The following DMD variants were observed in gnomAD, a reference collection of about 807,000 sequenced individuals.
DMD encodes mutant dystrophin.
In DMD, 63 loss-of-function variants were observed where a neutral mutation model predicts 330.1. That is an observed-to-expected ratio of 0.19 (90% CI 0.16 to 0.24). The LOEUF (loss-of-function observed/expected upper bound fraction) is 0.24, where lower values mean the gene tolerates loss of function less well. DMD is among the 10% of genes least tolerant of loss of function. The pLI is 1.00. For synonymous variants in DMD, 1,223 were observed against 959.8 expected (o/e 1.27, Z -5.07); for missense variants, 3,344 against 2,684.1 (o/e 1.25, Z -5.43).
At chrX:32,897,254 T>G (rs1175675509) in intron 2 of DMD, among the ~76,000 whole-genome samples, 1 of 111,044 alleles carries the variant, frequency 9.0e-6, no homozygotes. Context: ...AATTTTAATG[T>G]TTTTAGAAAA....
intron 55 of DMD, among the ~76,000 whole-genome samples, chrX:31,562,831 CT>C (rs1222232653): frequency 9.0e-6 from 1 of 110,998 alleles, no homozygotes; most frequent in African/African-American, 3.3e-5. Context: ...AGTTTTGTGT[CT>C]TGTTTAGAAA....
At chrX:32,195,663 G>A (rs1268127430) in intron 44 of DMD, among the ~76,000 whole-genome samples, 1 of 112,567 alleles carries the variant, frequency 8.9e-6, no homozygotes, top group African/African-American at 3.2e-5. Context: ...CAATTAGAAA[G>A]CAGTCTTGAA....
intron 29 of DMD, among the ~76,000 whole-genome samples, chrX:32,413,199 T>A (rs373650246): frequency 4.5e-5 from 5 of 110,883 alleles, no homozygotes; most frequent in African/African-American, 1.6e-4. Context: ...TTGATCTCCA[T>A]ACTTGCATGT....
intron 21 of DMD, among the ~76,000 whole-genome samples, chrX:32,477,428 T>G (rs1283185939): frequency 9.0e-6 from 1 of 110,926 alleles, no homozygotes; most frequent in African/African-American, 3.3e-5. Context: ...TTTCTGCACC[T>G]TTTGTTTAAA....
chrX:32,494,661 T>C (rs1203539607), intron 19 of DMD, among the ~76,000 whole-genome samples: 1 of 111,070 alleles, frequency 9.0e-6, no homozygotes, highest in East Asian at 2.8e-4. Flanking sequence ...TATTAGACAA[T>C]GCCATATAGA....
rs747724708 is a variant in DMD, at chrX:32,816,220, C to A, written c.530+248G>T. Among the ~76,000 whole-genome samples, 4 of 111,745 alleles carry A rather than the reference C, an allele frequency of 3.6e-5. No homozygotes were observed. The East Asian group carries it at 1.1e-3, about 31-fold the overall frequency. On this transcript the variant is annotated intron_variant, in intron 6 of 78. Transcript: ENST00000357033. ...GTGTCAAACATATTGATACTCTCCC[C>A]CTCCACTATAACCACTTTCACGCTC...
chrX:32,118,863 A>G (rs976546469), intron 44 of DMD, among the ~76,000 whole-genome samples: 1 of 110,788 alleles, frequency 9.0e-6, no homozygotes, highest in Non-Finnish European at 1.9e-5. Flanking sequence ...AGATTCTCAT[A>G]AGGAGCACAC....
intron 47 of DMD, among the ~76,000 whole-genome samples, chrX:31,909,088 A>T (rs1240598673): frequency 8.9e-6 from 1 of 112,520 alleles, no homozygotes; most frequent in Non-Finnish European, 1.9e-5. Flanking sequence ...TTGACTAAAA[A>T]ATCAAGTCAA....
chrX:32,178,828 GGGGT>G (rs771430000), intron 44 of DMD, among the ~76,000 whole-genome samples: 239 of 16,683 alleles, frequency 0.014, 1 homozygote, highest in South Asian at 0.13. Flanking sequence ...AATATTCCAG[GGGGT>G]GTGTGTGTGT....
In DMD at chrX:32,614,353, G is replaced by A. The variant is rs375337020; in HGVS notation, c.1432C>T (p.Pro478Ser). The A allele has an allele frequency of 2.1e-5, 25 of 1,205,457 alleles. No individual in the cohort carries two copies. The highest frequency in any genetic ancestry group is 2.4e-5 in the Non-Finnish European group (21 of 892,974). Reference sequence around the variant, plus strand: ...AGGTCTTCAAGATCAGGTCCAAGAGGCTCTTCCTCCATTTTCCTTGTTCTT... The same window carrying A: ...AGGTCTTCAAGATCAGGTCCAAGAGACTCTTCCTCCATTTTCCTTGTTCTT... ...EERTRKMEEEPLGPDLEDLKR... is the reference protein window; with the variant it reads ...EERTRKMEEESLGPDLEDLKR... The change falls in exon 12 of 79, where the codon CCT (proline) becomes TCT (serine). Residue 478 changes from proline (P) to serine (S), a missense_variant. By Grantham distance (74) the Pro-to-Ser change is moderately conservative. Transcript: ENST00000357033.
upstream of DMD, among the ~76,000 whole-genome samples, chrX:33,214,458 C>T (rs747872191): frequency 3.6e-5 from 4 of 111,406 alleles, no homozygotes; most frequent in East Asian, 8.5e-4. Context: ...TAACATAGTA[C>T]ATATGTCCAA....
chrX:31,633,380 C>G (rs2079233159), intron 54 of DMD, among the ~76,000 whole-genome samples: 1 of 111,758 alleles, frequency 8.9e-6, no homozygotes. Context: ...AATTCTGAAC[C>G]TCATTCTTAT....
At chrX:33,265,937 A>T (rs373609175) in intron 1 of DMD, among the ~76,000 whole-genome samples, 24 of 111,462 alleles carry the variant, frequency 2.2e-4, no homozygotes, top group African/African-American at 7.5e-4. Context: ...AGATAAGAAG[A>T]CCCTTGGATT....
chrX:32,698,339 A>C (rs749977730), intron 8 of DMD, among the ~76,000 whole-genome samples: 1 of 111,629 alleles, frequency 9.0e-6, no homozygotes, highest in East Asian at 2.8e-4. Flanking sequence ...AATCCAAAGT[A>C]AATAAAAACA....
At chrX:32,540,719 C>T (rs1308262479) in intron 17 of DMD, among the ~76,000 whole-genome samples, 2 of 111,416 alleles carry the variant, frequency 1.8e-5, no homozygotes, top group Admixed American at 9.6e-5. Context: ...TTTGTTTTGA[C>T]GGGCAATGAG....
intron 52 of DMD, among the ~76,000 whole-genome samples, chrX:31,705,977 C>T (rs1338744534): frequency 9.0e-6 from 1 of 111,509 alleles, no homozygotes; most frequent in Non-Finnish European, 1.9e-5. Context: ...ATTATTCTTA[C>T]TTTCAAGGCA....
At chrX:33,146,711 T>C (rs182589456) in intron 1 of DMD, among the ~76,000 whole-genome samples, 311 of 112,217 alleles carry the variant, frequency 2.8e-3, no homozygotes, top group Middle Eastern at 0.014. Context: ...GGTATTTGGA[T>C]GCAGATAATT....
At chrX:32,508,850 G>A (rs1245702927) in intron 18 of DMD, among the ~76,000 whole-genome samples, 23 of 108,535 alleles carry the variant, frequency 2.1e-4, no homozygotes, top group Non-Finnish European at 2.7e-4. Flanking sequence ...TCGCTCTGTC[G>A]CCCAGGCTGG....
At chrX:31,166,551 A>C (rs2039435814) in intron 74 of DMD, among the ~76,000 whole-genome samples, 1 of 112,132 alleles carries the variant, frequency 8.9e-6, no homozygotes, top group Non-Finnish European at 1.9e-5. Flanking sequence ...ATGCTGACTT[A>C]GGACATAGCC....
Sources: allele counts gnomAD v4.1 joint callset (sites outside exome capture counted in the v4.1 genomes callset), GRCh38; gene constraint gnomAD v4.1.1; transcripts MANE v1.5; gene names NCBI Gene and HGNC (gene_info 2026-07-23, HGNC 2026-07-21).